Variants in SBSPON observed in about 807,000 individuals in gnomAD.
The protein encoded by SBSPON is somatomedin-B and thrombospondin type-1 domain-containing protein.
A neutral mutation model predicts 35.8 loss-of-function variants in SBSPON; 30 were observed. That is an observed-to-expected ratio of 0.84 (90% CI 0.63 to 1.14). SBSPON has a LOEUF of 1.14. Ranked by LOEUF, SBSPON falls within the 50% of genes most tolerant of loss-of-function variation. The pLI is 0.00. For missense variants in SBSPON, 364 were observed against 357.7 expected, an observed-to-expected ratio of 1.02 and a Z score of -0.14; for synonymous variants, 136 against 135.9, an observed-to-expected ratio of 1.00 and a Z score of 0.00.
intron 2 of SBSPON, among the ~76,000 whole-genome samples, chr8:73,077,904 G>T (rs974055175): frequency 2.6e-5 from 4 of 152,092 alleles, no homozygotes; most frequent in Non-Finnish European, 4.4e-5. Flanking sequence ...CATAATAAAG[G>T]CTCTGAAAAG....
rs751611179 is a variant in SBSPON at position 73,092,951 on chromosome 8, G to T, written c.117C>A (p.Arg39=). 29 of 1,604,206 alleles carry T rather than the reference G, an allele frequency of 1.8e-5. No homozygotes were observed. Among genetic ancestry groups the T allele is most frequent in the Non-Finnish European group, 2.4e-5 (28 of 1,176,908 alleles). Residue 39 remains arginine (R), a synonymous_variant, in exon 1 of 5, where the codon CGC becomes CGA. Coordinates refer to ENST00000297354, the MANE Select transcript of SBSPON (RefSeq NM_153225.4). ...CPGRDPACFA[R]GWRLDRVYGT... is the part of the protein sequence containing the mutation. The stretch of plus-strand genomic sequence containing the variant: ...CGTAGACCCTGTCCAGCCTCCAGCC[G>T]CGGGCGAAGCAGGCGGGGTCCCGGC...
At chr8:73,086,613 T>C (rs1810830800) in intron 1 of SBSPON, among the ~76,000 whole-genome samples, 1 of 151,966 alleles carries the variant, frequency 6.6e-6, no homozygotes, top group South Asian at 2.1e-4. Context: ...CTCCCTCTCT[T>C]GCAGAAACCA....
Position 73,067,450 on chromosome 8 carries a change from GTCTGAT to G in SBSPON, c.680_685del (p.Asn227_Gln228del). The G allele has an allele frequency of 6.3e-7, 1 of 1,596,878 alleles. No individual in the cohort carries two copies. The highest frequency in any genetic ancestry group is 8.6e-7 in the Non-Finnish European group (1 of 1,165,628). On this transcript the variant is annotated inframe_deletion and splice_region_variant, in exon 5 of 5. Transcript: ENST00000297354. ...ATTACCAATTGCTTGCCAATGGAGA[GTCTGAT>G]TTCTGAAACGATATTTCGAAAGTGT...
At chr8:73,072,441 G>A (rs550530265) in intron 2 of SBSPON, among the ~76,000 whole-genome samples, 73 of 152,256 alleles carry the variant, frequency 4.8e-4, no homozygotes, top group African/African-American at 1.4e-3. Context: ...GGCCATGGTG[G>A]GTGGATCATC....
intron 1 of SBSPON, among the ~76,000 whole-genome samples, chr8:73,084,205 C>T (rs1810773645): frequency 2.0e-5 from 3 of 152,186 alleles, no homozygotes; most frequent in Admixed American, 1.3e-4. Flanking sequence ...ACCAACTGGT[C>T]CCCCTTTCTC....
At chr8:73,077,261 G>GA (rs1226281182) in intron 2 of SBSPON, among the ~76,000 whole-genome samples, 2 of 152,220 alleles carry the variant, frequency 1.3e-5, no homozygotes, top group African/African-American at 4.8e-5. Context: ...AGCAGCCGTA[G>GA]AAAATGAATA....
At chr8:73,077,157 C>T (rs766302743) in intron 2 of SBSPON, among the ~76,000 whole-genome samples, 7 of 152,302 alleles carry the variant, frequency 4.6e-5, no homozygotes, top group Admixed American at 1.3e-4. Context: ...CCACTCACCT[C>T]GACCTCCCAA....
chr8:73,090,211 C>T (rs1225037762), intron 1 of SBSPON, among the ~76,000 whole-genome samples: 1 of 152,146 alleles, frequency 6.6e-6, no homozygotes, highest in African/African-American at 2.4e-5. Flanking sequence ...TACTTTAGGC[C>T]CCACGAGGGT....
Position 73,067,389 on chromosome 8 carries a change from T to C in SBSPON, c.747A>G (p.Arg249=). The C allele has an allele frequency of 6.2e-7, 1 of 1,612,170 alleles. No homozygotes were observed. The highest frequency in any genetic ancestry group is 2.2e-5 in the East Asian group (1 of 44,792). Residue 249 remains arginine, a synonymous_variant, in exon 5 of 5, where the codon CGA becomes CGG. Coordinates refer to ENST00000297354, the MANE Select transcript of SBSPON (RefSeq NM_153225.4). ...RCQGTWKKVR[R]VDQCSCPAVH... ...CAGCTGGACAAGAACACTGGTCTAC[T>C]CGCCGAACTTTTTTCCAAGTTCCTT...
At position 73,081,047 on chromosome 8, in the gene SBSPON, C is replaced by T. The variant is rs373888210; in HGVS notation, c.381G>A (p.Pro127=). The part of the protein sequence containing the change: ...ERAGCLEYST[P]QGQDCGHTYV... ...AGGTGTGCCCGCAGTCCTGGCCCTG[C>T]GGGGTGGAGTACTCCAGGCAGCCAG... The change falls in exon 2 of 5, where the codon CCG becomes CCA. Residue 127 remains proline (P), a synonymous_variant. Coordinates refer to ENST00000297354, the MANE Select transcript of SBSPON (RefSeq NM_153225.4). 38 of 1,608,380 alleles carry T rather than the reference C, an allele frequency of 2.4e-5. No individual in the cohort carries two copies. The highest frequency in any genetic ancestry group is 1.6e-4 in the African/African-American group (12 of 74,906).
intron 1 of SBSPON, among the ~76,000 whole-genome samples, chr8:73,082,008 A>C (rs371136284): frequency 2.0e-5 from 3 of 152,316 alleles, no homozygotes; most frequent in East Asian, 1.9e-4. Flanking sequence ...GTTTCTCAGC[A>C]AACAGCCGTG....
intron 4 of SBSPON, among the ~76,000 whole-genome samples, chr8:73,069,032 C>G (rs1810444076): frequency 6.6e-6 from 1 of 152,144 alleles, no homozygotes; most frequent in Admixed American, 6.5e-5. Context: ...GTCACAGAGA[C>G]CACACAGCCT....
At chr8:73,091,783 C>G (rs1025176702) in intron 1 of SBSPON, among the ~76,000 whole-genome samples, 3 of 152,240 alleles carry the variant, frequency 2.0e-5, no homozygotes, top group African/African-American at 7.2e-5. Context: ...ATGCTTTCAA[C>G]TGTGTTCTTT....
Position 73,067,034 on chromosome 8 carries a change from T to G in SBSPON, c.*307A>C. 4.5e-6 allele frequency: 1 copy of G among 223,270 alleles called. No individual in the cohort carries two copies. Among genetic ancestry groups the G allele is most frequent in the Non-Finnish European group, 9.0e-6 (1 of 110,968 alleles). The allele number at this position is 223,270 out of a possible 1,614,324, so 13.8% of individuals were successfully genotyped here. On this transcript the variant is annotated 3_prime_UTR_variant, in exon 5 of 5. Coordinates refer to ENST00000297354, the MANE Select transcript of SBSPON (RefSeq NM_153225.4). ...ATAATCGGACTGAGTTACAGTAATT[T>G]TACTTTAGCAAACAGACATGTATTC...
At chr8:73,092,564 C>G (rs72655860) in intron 1 of SBSPON, among the ~76,000 whole-genome samples, 7 of 152,130 alleles carry the variant, frequency 4.6e-5, no homozygotes, top group East Asian at 1.9e-4. Flanking sequence ...TCGGAGATTT[C>G]GTCTCTCGGC....
Position 73,067,414 on chromosome 8 carries a change from T to TGAC in SBSPON, c.719_721dup (p.Cys240_Gln241insArg), listed in dbSNP as rs1350824034. The stretch of plus-strand genomic sequence containing the variant: ...TCGCCGAACTTTTTTCCAAGTTCCT[T>TGAC]GACACCGAGGATTACCAATTGCTTG... On this transcript the variant is annotated inframe_insertion, in exon 5 of 5. Coordinates refer to ENST00000297354, the MANE Select transcript of SBSPON (RefSeq NM_153225.4). The TGAC allele has an allele frequency of 6.2e-7, 1 of 1,611,956 alleles. No individual in the cohort carries two copies. The highest frequency in any genetic ancestry group is 8.5e-7 in the Non-Finnish European group (1 of 1,178,798).
At chr8:73,089,791 C>A (rs1196469420) in intron 1 of SBSPON, among the ~76,000 whole-genome samples, 3 of 152,232 alleles carry the variant, frequency 2.0e-5, no homozygotes, top group Non-Finnish European at 4.4e-5. Flanking sequence ...ATGTCTACCA[C>A]ATGCCAGGTG....
chr8:73,084,402 C>T (rs908070968), intron 1 of SBSPON, among the ~76,000 whole-genome samples: 2 of 152,050 alleles, frequency 1.3e-5, no homozygotes, highest in African/African-American at 2.4e-5. Context: ...ATGACTTAAA[C>T]TCCCTCATTT....
At chr8:73,073,682 G>C (rs1586091441) in intron 2 of SBSPON, among the ~76,000 whole-genome samples, 1 of 151,828 alleles carries the variant, frequency 6.6e-6, no homozygotes, top group South Asian at 2.1e-4. Context: ...TGTGGCATTC[G>C]GCCATAGACC....
Sources: gnomAD v4.1 joint callset for allele counts (sites outside exome capture counted in the v4.1 genomes callset) on GRCh38, gnomAD v4.1.1 for gene constraint, MANE v1.5 for transcripts, NCBI Gene and HGNC (gene_info 2026-07-23, HGNC 2026-07-21) for gene names.